Variants in DYSF observed in about 807,000 individuals in gnomAD.
DYSF encodes dysferlin, also known as dystrophy-associated fer-1-like 1.
In DYSF, 212 loss-of-function variants were observed where a neutral mutation model predicts 274.9. The observed-to-expected ratio is 0.77, with a 90% CI of 0.69 to 0.86. The LOEUF (loss-of-function observed/expected upper bound fraction) is 0.86, where lower values mean the gene tolerates loss of function less well. Among genes scored for constraint, DYSF ranks in the 40% least tolerant of loss-of-function variants. The probability of loss-of-function intolerance (pLI) is 0.00; values close to 1 mark genes in which losing one functional copy is unlikely to be tolerated. For synonymous variants in DYSF, 1,091 were observed against 1,078.7 expected (o/e 1.01, Z -0.22); for missense variants, 2,666 against 2,783.2 (o/e 0.96, Z 0.95).
At chr2:71,577,677 C>T (rs1470813975) in intron 30 of DYSF, among the ~76,000 whole-genome samples, 1 of 152,046 alleles carries the variant, frequency 6.6e-6, no homozygotes, top group Non-Finnish European at 1.5e-5. Context: ...CACCCACACA[C>T]ACTCTTTCAC....
intron 23 of DYSF, among the ~76,000 whole-genome samples, chr2:71,562,285 C>T (rs918606359): frequency 6.6e-6 from 1 of 152,156 alleles, no homozygotes; most frequent in Non-Finnish European, 1.5e-5. Flanking sequence ...CCAGCTTCCC[C>T]AGGTTCCCGA....
At chr2:71,598,852 C>G in intron 33 of DYSF, 107 bp downstream of exon 33, 2 of 1,278,580 alleles carry the variant, frequency 1.6e-6, no homozygotes, top group East Asian at 4.9e-5. Context: ...GCTCTCCTAA[C>G]TCCACGGGCC....
At chr2:71,524,789 G>C (rs1453301573) in intron 12 of DYSF, among the ~76,000 whole-genome samples, 1 of 152,224 alleles carries the variant, frequency 6.6e-6, no homozygotes, top group African/African-American at 2.4e-5. Context: ...CATCATCCAG[G>C]TCTCAAGCTG....
In DYSF at chr2:71,520,124, A is replaced by T. The variant is rs183422060; in HGVS notation, c.1003-54A>T. ...GGAATCATATAATGCACCACACTTT[A>T]TTTAACGCTTTGGCGGCAAGAGTTT... On this transcript the variant is annotated intron_variant, in intron 10 of 55. Coordinates refer to ENST00000410020, the MANE Select transcript of DYSF (RefSeq NM_001130987.2). The T allele has an allele frequency of 5.6e-6, 9 of 1,611,474 alleles. No individual in the cohort carries two copies. The African/African-American group carries it at 1.1e-4, about 19-fold the overall frequency.
At chr2:71,585,694 G>A (rs1262880662) in intron 30 of DYSF, among the ~76,000 whole-genome samples, 1 of 152,152 alleles carries the variant, frequency 6.6e-6, no homozygotes, top group Non-Finnish European at 1.5e-5. Context: ...CCCATTGTTC[G>A]TGAGTTCACT....
chr2:71,641,178 A>ATTTTT lies in DYSF; in HGVS notation c.4528-2773_4528-2769dup, dbSNP rs10683765. ...AATTAGATTTGATAAATGTTTATCT[A>ATTTTT]TTTTTTTTTTTTTTTTTTGAGACGG... On this transcript the variant is annotated intron_variant, in intron 41 of 55. Transcript: ENST00000410020. 4.3e-4 allele frequency among the ~76,000 whole-genome samples: 54 copies of ATTTTT among 124,500 alleles called. 5 individuals are homozygous for ATTTTT. The highest frequency in any genetic ancestry group is 1.4e-3 in the African/African-American group (44 of 31,346). The allele number at this position is 124,500 out of a possible 152,430, so 81.7% of individuals were successfully genotyped here.
intron 40 of DYSF, among the ~76,000 whole-genome samples, chr2:71,614,351 C>T (rs1267316879): frequency 6.6e-6 from 1 of 152,222 alleles, no homozygotes; most frequent in Non-Finnish European, 1.5e-5. Flanking sequence ...CACCTGTGTC[C>T]TCGGGCCTTG....
In DYSF at chr2:71,543,244, G is replaced by A. The variant is rs188655458; in HGVS notation, c.1576+4005G>A. Among the ~76,000 whole-genome samples the A allele has an allele frequency of 6.2e-5, 4 of 64,208 alleles. No individual in the cohort carries two copies. The East Asian group carries it at 7.5e-4, about 12-fold the overall frequency. 42.1% of individuals were successfully genotyped at this position (64,208 alleles called of 152,430 possible). On this transcript the variant is annotated intron_variant, in intron 17 of 55. Transcript: ENST00000410020. ...GACGGGGTCGCGGCCGGGCAGAGGC[G>A]CTCCTCACATCCCAGACGGGGCGGC...
At chr2:71,599,544 G>C (rs1042236056) in intron 33 of DYSF, among the ~76,000 whole-genome samples, 1 of 152,184 alleles carries the variant, frequency 6.6e-6, no homozygotes, top group African/African-American at 2.4e-5. Context: ...TGTGGGGTTG[G>C]GGTGTCAGTG....
chr2:71,641,882 G>A lies in DYSF; in HGVS notation c.4528-2083G>A, dbSNP rs138747107. ...GTGACTGATAGTGGTTTTATTTCTG[G>A]GACTTTACTGAGATTTGCTCTGTGG... On this transcript the variant is annotated intron_variant, in intron 41 of 55. Coordinates refer to ENST00000410020, the MANE Select transcript of DYSF (RefSeq NM_001130987.2). 3.2e-3 allele frequency among the ~76,000 whole-genome samples: 487 copies of A among 152,090 alleles called. 3 individuals are homozygous for A. Among genetic ancestry groups the A allele is most frequent in the African/African-American group, 0.011 (459 of 41,486 alleles).
intron 42 of DYSF, among the ~76,000 whole-genome samples, chr2:71,645,403 A>G (rs1405487207): frequency 1.3e-5 from 2 of 151,938 alleles, no homozygotes; most frequent in Non-Finnish European, 2.9e-5. Context: ...CCGCTGGTCA[A>G]TGGCCTGCTG....
chr2:71,568,552 T>C lies in DYSF; in HGVS notation c.2864+214T>C, dbSNP rs559362165. On this transcript the variant is annotated intron_variant, in intron 26 of 55. Transcript: ENST00000410020. ...GATGGTCAGACAGTCCTTTATTCTT[T>C]TCATTAAAAAAATTTTTTTTTTTTT... Among the ~76,000 whole-genome samples, 3 of 150,508 alleles carry C rather than the reference T, an allele frequency of 2.0e-5. No individual in the cohort carries two copies. The South Asian group carries it at 6.3e-4, about 31-fold the overall frequency.
chr2:71,589,461 T>C, intron 30 of DYSF, 132 bp from the exon 31 acceptor site: 1 of 746,134 alleles, frequency 1.3e-6, no homozygotes, highest in Non-Finnish European at 2.4e-6. Flanking sequence ...CAGAATGAAA[T>C]TAGAGGCTGA....
chr2:71,489,479 C>G (rs957830409), intron 3 of DYSF, among the ~76,000 whole-genome samples: 2 of 152,240 alleles, frequency 1.3e-5, no homozygotes, highest in Non-Finnish European at 2.9e-5. Context: ...GTATCTTCTT[C>G]CTGACATAGG....
rs2094860621 is a variant in DYSF, at chr2:71,660,583, C to T, written c.4935C>T (p.Ser1645=). Residue 1645 remains serine (S), a synonymous_variant, in exon 45 of 56, where the codon TCC becomes TCT. Transcript: ENST00000410020. ...AGTGTGATCCTTACATCAAGATCTC[C>T]ATAGGGAAGAAATCAGTGAGTGACC... ...NGKCDPYIKI[S]IGKKSVSDQD... is the part of the protein sequence containing the mutation. The T allele has an allele frequency of 6.2e-7, 1 of 1,613,950 alleles. No individual in the cohort carries two copies. The highest frequency in any genetic ancestry group is 1.3e-5 in the African/African-American group (1 of 74,914).
intron 7 of DYSF, among the ~76,000 whole-genome samples, chr2:71,514,857 A>G (rs991326636): frequency 2.0e-5 from 3 of 152,160 alleles, no homozygotes; most frequent in African/African-American, 7.2e-5. Flanking sequence ...TTATGGAAAT[A>G]CCATATGTTT....
In DYSF at chr2:71,517,283, G is replaced by A. The variant is rs549018245; in HGVS notation, c.1002+244G>A. 3.5e-4 allele frequency among the ~76,000 whole-genome samples: 53 copies of A among 152,316 alleles called. 2 individuals are homozygous for A. The South Asian group carries it at 0.011, about 31-fold the overall frequency. Reference sequence around the variant, plus strand: ...AAGAGGCCTTAAACCAGAGTGAGATGTACATCACAGGCAATGATCCACTAA... The same window carrying A: ...AAGAGGCCTTAAACCAGAGTGAGATATACATCACAGGCAATGATCCACTAA... On this transcript the variant is annotated intron_variant, in intron 10 of 55. Coordinates refer to ENST00000410020, the MANE Select transcript of DYSF (RefSeq NM_001130987.2).
At chr2:71,520,444 A>AT (rs2087133552) in intron 11 of DYSF, among the ~76,000 whole-genome samples, 1 of 152,182 alleles carries the variant, frequency 6.6e-6, no homozygotes, top group Admixed American at 6.5e-5. Context: ...GAAAGGCCCC[A>AT]TTACTGGACA....
intron 41 of DYSF, among the ~76,000 whole-genome samples, chr2:71,630,100 G>GGGAA (rs200278812): frequency 0.025 from 3,750 of 152,240 alleles, 56 homozygotes; most frequent in South Asian, 0.035. Context: ...TCCTTACAGA[G>GGGAA]GGAAGTCCTT....
Sources: allele counts gnomAD v4.1 joint callset (sites outside exome capture counted in the v4.1 genomes callset), GRCh38; gene constraint gnomAD v4.1.1; transcripts MANE v1.5; gene names NCBI Gene and HGNC (gene_info 2026-07-23, HGNC 2026-07-21).